CTNNA2: variants seen among roughly 807,000 people sequenced by gnomAD.
CTNNA2 encodes catenin alpha 2.
A neutral mutation model predicts 101.0 loss-of-function variants in CTNNA2; 42 were observed. That is an observed-to-expected ratio of 0.42 (90% CI 0.32 to 0.54). CTNNA2 has a LOEUF of 0.54. Among genes scored for constraint, CTNNA2 ranks in the 20% least tolerant of loss-of-function variants. The pLI is 0.14. For missense variants in CTNNA2, 871 were observed against 1,223.1 expected (o/e 0.71, Z 4.29); for synonymous variants, 450 against 456.4 (o/e 0.99, Z 0.18).
chr2:79,241,840 A>G (rs1384158220), intron 2 of CTNNA2, among the ~76,000 whole-genome samples: 1 of 152,188 alleles, frequency 6.6e-6, no homozygotes, highest in African/African-American at 2.4e-5. Flanking sequence ...GTGCAGGGTT[A>G]GGAGACTAAC....
chr2:80,606,568 A>ATTTTTTTCT (rs1698047328), intron 16 of CTNNA2, among the ~76,000 whole-genome samples: 2 of 151,956 alleles, frequency 1.3e-5, no homozygotes, highest in East Asian at 3.9e-4. Context: ...TTTTTGATAA[A>ATTTTTTTCT]GAAATCTTCA....
chr2:80,591,476 T>TTTTTTTTTTTTTTTTTC (rs1696502284), intron 15 of CTNNA2, among the ~76,000 whole-genome samples: 1 of 145,952 alleles, frequency 6.9e-6, no homozygotes, highest in Non-Finnish European at 1.5e-5. Context: ...TTTTTTTTTT[T>TTTTTTTTTTTTTTTTTC]TTGCAAACAG....
At chr2:79,780,312 AT>A (rs1345224701) in intron 3 of CTNNA2, among the ~76,000 whole-genome samples, 2 of 152,306 alleles carry the variant, frequency 1.3e-5, no homozygotes, top group East Asian at 3.9e-4. Context: ...TGAACCATTG[AT>A]CAGTCATATC....
rs72922645 is a variant in CTNNA2 at position 79,993,368 on chromosome 2, T to G, written c.1056+83571T>G. The stretch of plus-strand genomic sequence containing the variant: ...CCTCTCCATTTTTTGGGCTCCCACG[T>G]GGGCTTCAAAGTGAGCCACAGCTCT... On this transcript the variant is annotated intron_variant, in intron 7 of 18. Coordinates refer to ENST00000402739, the MANE Select transcript of CTNNA2 (RefSeq NM_001282597.3). Among the ~76,000 whole-genome samples the G allele has an allele frequency of 7.5e-3, 1,139 of 152,270 alleles. 11 individuals carry two copies. The highest frequency in any genetic ancestry group is 0.026 in the African/African-American group (1,061 of 41,564).
At chr2:80,427,624 T>C (rs1275852341) in intron 9 of CTNNA2, among the ~76,000 whole-genome samples, 2 of 152,194 alleles carry the variant, frequency 1.3e-5, no homozygotes, top group Non-Finnish European at 2.9e-5. Flanking sequence ...CTGATAGCAG[T>C]GCCCCATGAA....
At chr2:79,952,149 G>A (rs928233840) in intron 7 of CTNNA2, among the ~76,000 whole-genome samples, 1 of 152,042 alleles carries the variant, frequency 6.6e-6, no homozygotes, top group Non-Finnish European at 1.5e-5. Context: ...TATTGTATTT[G>A]TGGTCTCTCC....
rs559622586 is a variant in CTNNA2, at chr2:79,546,837, G to A, written c.-6+33630G>A. 1.4e-4 allele frequency among the ~76,000 whole-genome samples: 22 copies of A among 152,182 alleles called. 1 individual carries two copies. Among genetic ancestry groups the A allele is most frequent in the African/African-American group, 5.3e-4 (22 of 41,518 alleles). ...CTCAGCAACAGTTCTCCCTACAATA[G>A]CATTTTTATTTATTTTGAAGAAGTT... On this transcript the variant is annotated intron_variant, in intron 1 of 18. Transcript: ENST00000402739.
At chr2:79,510,129 C>T (rs1035132609), upstream of CTNNA2, among the ~76,000 whole-genome samples, 3 of 152,174 alleles carry the variant, frequency 2.0e-5, no homozygotes, top group African/African-American at 4.8e-5. Flanking sequence ...ATTATAATTA[C>T]ATACAGGATC....
At chr2:80,024,736 C>A (rs1186455372) in intron 7 of CTNNA2, among the ~76,000 whole-genome samples, 1 of 151,166 alleles carries the variant, frequency 6.6e-6, no homozygotes, top group Non-Finnish European at 1.5e-5. Context: ...CCCTGGAGCC[C>A]CAGAGGGTGT....
At chr2:80,106,634 T>C (rs1484516945) in intron 7 of CTNNA2, among the ~76,000 whole-genome samples, 3 of 152,128 alleles carry the variant, frequency 2.0e-5, no homozygotes, top group Non-Finnish European at 4.4e-5. Flanking sequence ...AGACTGCACA[T>C]TTCAAGGCCT....
At chr2:79,477,990 AT>A (rs1473691546) in intron 4 of CTNNA2, among the ~76,000 whole-genome samples, 6 of 152,020 alleles carry the variant, frequency 3.9e-5, no homozygotes, top group Non-Finnish European at 7.4e-5. Context: ...GACACAAATC[AT>A]AAAGTCAAGT....
intron 7 of CTNNA2, among the ~76,000 whole-genome samples, chr2:80,132,474 T>C (rs991985914): frequency 2.0e-5 from 3 of 152,232 alleles, no homozygotes; most frequent in African/African-American, 7.2e-5. Context: ...GTTTATGATA[T>C]ACTATCCAAG....
intron 7 of CTNNA2, among the ~76,000 whole-genome samples, chr2:80,215,205 A>T (rs1342512090): frequency 2.0e-5 from 3 of 152,086 alleles, no homozygotes; most frequent in African/African-American, 7.2e-5. Flanking sequence ...GGGTTAGAAC[A>T]TCCTCCTTTA....
At chr2:79,309,797 T>C (rs372239089) in intron 2 of CTNNA2, among the ~76,000 whole-genome samples, 34 of 152,286 alleles carry the variant, frequency 2.2e-4, no homozygotes, top group Middle Eastern at 6.8e-3. Context: ...TGGTGCCTAG[T>C]ACAGAAGCTT....
At chr2:79,262,452 A>G (rs905458475) in intron 2 of CTNNA2, among the ~76,000 whole-genome samples, 3 of 152,134 alleles carry the variant, frequency 2.0e-5, no homozygotes, top group Admixed American at 6.5e-5. Context: ...TTCAAATCCT[A>G]AAAAATATTT....
At chr2:80,462,653 G>A (rs76406539) in intron 9 of CTNNA2, among the ~76,000 whole-genome samples, 26 of 10,224 alleles carry the variant, frequency 2.5e-3, no homozygotes, top group African/African-American at 8.9e-3. Context: ...TTTTTTTTTT[G>A]ACGAATAAAG....
chr2:79,937,567 T>C (rs181439633), intron 7 of CTNNA2, among the ~76,000 whole-genome samples: 90 of 152,344 alleles, frequency 5.9e-4, no homozygotes, highest in Non-Finnish European at 1.3e-4. Flanking sequence ...TATATTACTA[T>C]GCCTTCAAAG....
chr2:80,335,362 T>C (rs1671681335), intron 7 of CTNNA2, among the ~76,000 whole-genome samples: 1 of 152,052 alleles, frequency 6.6e-6, no homozygotes, highest in South Asian at 2.1e-4. Context: ...ATGGAGAATA[T>C]AGTTTGAGGG....
intron 7 of CTNNA2, among the ~76,000 whole-genome samples, chr2:80,339,515 T>A (rs548547528): frequency 1.3e-5 from 2 of 152,236 alleles, no homozygotes; most frequent in South Asian, 4.1e-4. Flanking sequence ...CCCTGACAAA[T>A]CTTATCCCAG....
Sources: gnomAD v4.1 joint callset for allele counts (sites outside exome capture counted in the v4.1 genomes callset) on GRCh38, gnomAD v4.1.1 for gene constraint, MANE v1.5 for transcripts, NCBI Gene and HGNC (gene_info 2026-07-23, HGNC 2026-07-21) for gene names.